The following TLR5 variants were observed in gnomAD, a reference collection of about 807,000 sequenced individuals.
TLR5 encodes the protein toll-like receptor 5.
For missense variants in TLR5, 944 were observed against 999.8 expected, an observed-to-expected ratio of 0.94 and a Z score of 0.75; for synonymous variants, 373 against 384.4, an observed-to-expected ratio of 0.97 and a Z score of 0.35.
intron 2 of TLR5, among the ~76,000 whole-genome samples, chr1:223,139,493 G>T (rs1657751540): frequency 6.6e-6 from 1 of 152,194 alleles, no homozygotes; most frequent in African/African-American, 2.4e-5. Flanking sequence ...GCACATAGGG[G>T]ATTCAGATCT....
In TLR5 at chr1:223,111,270, T is replaced by C. The variant is rs756805926; in HGVS notation, c.1762A>G (p.Ser588Gly). The change falls in exon 6 of 6, where the codon AGC becomes GGC. Residue 588 changes from serine to glycine, a missense_variant. Ser to Gly is a moderately conservative substitution (Grantham distance 56). Transcript: ENST00000642603. ...HNKFICECELSTFINWLNHTN... is the reference protein window; with the variant it reads ...HNKFICECELGTFINWLNHTN... Reference sequence around the variant, plus strand: ...TGATTAAGCCAATTGATAAAAGTGCTAAGTTCACATTCACAAATGAACTTG... The same window carrying C: ...TGATTAAGCCAATTGATAAAAGTGCCAAGTTCACATTCACAAATGAACTTG... 16 of 1,614,084 alleles carry C rather than the reference T, an allele frequency of 9.9e-6. No homozygotes were observed. In the Admixed American group the frequency reaches 2.0e-4, roughly 20 times the overall value.
chr1:223,126,937 T>C (rs925008546), intron 5 of TLR5: 13 of 152,226 alleles, frequency 8.5e-5, no homozygotes, highest in African/African-American at 2.9e-4. Context: ...TGAATTCATT[T>C]AGCTTTAATC....
intron 5 of TLR5, among the ~76,000 whole-genome samples, chr1:223,116,124 A>G (rs1273566211): frequency 6.6e-6 from 1 of 152,226 alleles, no homozygotes; most frequent in African/African-American, 2.4e-5. Context: ...AGCAATGATC[A>G]CAAGCCCTTA....
In TLR5 at chr1:223,111,660, T is replaced by C. The variant is rs770420948; in HGVS notation, c.1372A>G (p.Asn458Asp). ...PHLQILILNQNRFSSCSGDQT... is the reference protein window; with the variant it reads ...PHLQILILNQDRFSSCSGDQT... Reference sequence around the variant, plus strand: ...TCTCCACTACAGGAGGAGAAGCGATTTTGATTTAAAATGAGAATCTGGAGA... The same window carrying C: ...TCTCCACTACAGGAGGAGAAGCGATCTTGATTTAAAATGAGAATCTGGAGA... The change falls in exon 6 of 6, where the codon AAT (asparagine) becomes GAT (aspartate). Residue 458 changes from asparagine to aspartate, a missense_variant. Coordinates refer to ENST00000642603, the MANE Select transcript of TLR5 (RefSeq NM_003268.6). 2 of 1,614,022 alleles carry C rather than the reference T, an allele frequency of 1.2e-6. No individual in the cohort carries two copies. The highest frequency in any genetic ancestry group is 2.2e-5 in the South Asian group (2 of 91,086).
rs767963802 is a variant in TLR5, at chr1:223,111,810, T to C, written c.1222A>G (p.Ile408Val). Residue 408 changes from isoleucine to valine, a missense_variant, in exon 6 of 6, where the codon ATC becomes GTC. Physicochemically the swap from Ile to Val is conservative, Grantham distance 29 (BLOSUM62 3). Coordinates refer to ENST00000642603, the MANE Select transcript of TLR5 (RefSeq NM_003268.6). Reference sequence around the variant, plus strand: ...ACTAGTTTATTGCCACTCAAGAAGATATCGGGTATGCTTGGAATAAAATGA... The same window carrying C: ...ACTAGTTTATTGCCACTCAAGAAGACATCGGGTATGCTTGGAATAAAATGA... ...TIHFIPSIPD[I>V]FLSGNKLVTL... The C allele has an allele frequency of 3.7e-6, 6 of 1,614,212 alleles. No homozygotes were observed. The highest frequency in any genetic ancestry group is 3.3e-5 in the Admixed American group (2 of 60,030).
At chr1:223,130,373 C>T (rs898538594) in intron 5 of TLR5, among the ~76,000 whole-genome samples, 4 of 152,208 alleles carry the variant, frequency 2.6e-5, no homozygotes, top group African/African-American at 9.6e-5. Flanking sequence ...CACTGTGTTG[C>T]CAGCACCTAG....
intron 3 of TLR5, among the ~76,000 whole-genome samples, chr1:223,136,425 A>C (rs1480322813): frequency 6.6e-6 from 1 of 152,244 alleles, no homozygotes; most frequent in East Asian, 1.9e-4. Flanking sequence ...GTTGCTGGCC[A>C]GATGAGATGA....
chr1:223,116,602 C>T (rs1437622869), intron 5 of TLR5, among the ~76,000 whole-genome samples: 1 of 152,194 alleles, frequency 6.6e-6, no homozygotes, highest in Non-Finnish European at 1.5e-5. Context: ...CCGCAGTGGG[C>T]TGCCACTGCT....
In TLR5 at chr1:223,110,787, A is replaced by AGAT; in HGVS notation, c.2242_2244dup (p.Ile748dup). 1 of 1,614,256 alleles carries AGAT rather than the reference A, an allele frequency of 6.2e-7. No homozygotes were observed. Among genetic ancestry groups the AGAT allele is most frequent in the Non-Finnish European group, 8.5e-7 (1 of 1,180,036 alleles). On this transcript the variant is annotated inframe_insertion, in exon 6 of 6. Coordinates refer to ENST00000642603, the MANE Select transcript of TLR5 (RefSeq NM_003268.6). ...AGACAAACGATCTTTCTACTGTTCC[A>AGAT]GATGGCATCCTGGATATTGGCAATG...
intron 1 of TLR5, among the ~76,000 whole-genome samples, chr1:223,142,183 G>T (rs1236458406): frequency 6.6e-6 from 1 of 152,184 alleles, no homozygotes; most frequent in African/African-American, 2.4e-5. Flanking sequence ...GCAAGAGCCT[G>T]ACTGCTCCTG....
rs141732900 is a variant in TLR5, at chr1:223,125,911, C to G, written c.-5+6564G>C. Among the ~76,000 whole-genome samples the G allele has an allele frequency of 2.7e-3, 408 of 152,284 alleles. 3 individuals are homozygous for G. Among genetic ancestry groups the G allele is most frequent in the African/African-American group, 9.3e-3 (385 of 41,556 alleles). ...CTTCTGGCTGCAACCCTGACTGCAG[C>G]TTAGAACCATGTGGGCTGCTTAAAA... On this transcript the variant is annotated intron_variant, in intron 5 of 5. Transcript: ENST00000642603.
intron 2 of TLR5, among the ~76,000 whole-genome samples, chr1:223,139,243 T>G (rs1657741874): frequency 1.3e-5 from 2 of 152,234 alleles, no homozygotes; most frequent in Non-Finnish European, 2.9e-5. Context: ...GTTTGATATT[T>G]TTATCACTCT....
intron 5 of TLR5, among the ~76,000 whole-genome samples, chr1:223,121,904 C>G (rs1217354218): frequency 6.6e-6 from 1 of 152,166 alleles, no homozygotes; most frequent in Non-Finnish European, 1.5e-5. Flanking sequence ...TTCAAATGGG[C>G]CTCAGAGGTA....
In TLR5 at chr1:223,112,897, G is replaced by A. The variant is rs1403423173; in HGVS notation, c.135C>T (p.Leu45=). 1.2e-6 allele frequency: 2 copies of A among 1,614,188 alleles called. No individual in the cohort carries two copies. Among genetic ancestry groups the A allele is most frequent in the South Asian group, 2.2e-5 (2 of 91,078 alleles). ...FCNLTQVPQV[L]NTTERLLLSF... is the part of the protein sequence containing the mutation. ...TCAGCAGGAGCCTCTCAGTGGTGTT[G>A]AGGACCTGGGGGACCTGGGTGAGGT... Residue 45 remains leucine (L), a synonymous_variant, in exon 6 of 6, where the codon CTC becomes CTT. Transcript: ENST00000642603.
intron 5 of TLR5, chr1:223,129,282 A>G (rs1047423610): frequency 2.6e-5 from 4 of 152,304 alleles, no homozygotes; most frequent in African/African-American, 9.6e-5. Context: ...ATAAATGTGC[A>G]GTGTCCGATA....
At chr1:223,118,470 C>T (rs1300828974) in intron 5 of TLR5, among the ~76,000 whole-genome samples, 1 of 151,642 alleles carries the variant, frequency 6.6e-6, no homozygotes, top group African/African-American at 2.4e-5. Context: ...TTGCTTGAAC[C>T]CAGGAGTCAG....
intron 2 of TLR5, among the ~76,000 whole-genome samples, chr1:223,139,934 C>T (rs189001467): frequency 1.1e-4 from 17 of 152,324 alleles, no homozygotes; most frequent in East Asian, 5.8e-4. Flanking sequence ...ATTTATCAAA[C>T]GCCTCTTATG....
chr1:223,111,465 TA>T lies in TLR5; in HGVS notation c.1566del (p.Phe522LeufsTer4). On this transcript the variant is annotated frameshift_variant, in exon 6 of 6. Transcript: ENST00000642603. LOFTEE classifies it low-confidence loss of function (END_TRUNC). ...AGTCCCCTTAATGCAGTCAGATGGC[TA>T]AATACTCCTGGTGGAAGGGAATTAA... ...NYLNSLPPGV[F>X]SHLTALRGLS... The T allele has an allele frequency of 6.2e-7, 1 of 1,614,186 alleles. No individual in the cohort carries two copies. Among genetic ancestry groups the T allele is most frequent in the East Asian group, 2.2e-5 (1 of 44,874 alleles).
intron 5 of TLR5, among the ~76,000 whole-genome samples, chr1:223,118,198 G>A (rs920370225): frequency 6.6e-6 from 1 of 152,188 alleles, no homozygotes; most frequent in Non-Finnish European, 1.5e-5. Flanking sequence ...GGGCGAGGGA[G>A]CTTCCAATTT....
Sources: allele counts gnomAD v4.1 joint callset (sites outside exome capture counted in the v4.1 genomes callset), GRCh38; gene constraint gnomAD v4.1.1; transcripts MANE v1.5; gene names NCBI Gene and HGNC (gene_info 2026-07-23, HGNC 2026-07-21).